The following POT1 variants were observed in gnomAD, a reference collection of about 807,000 sequenced individuals.
POT1 encodes the protein protection of telomeres 1.
A neutral mutation model predicts 78.5 loss-of-function variants in POT1; 47 were observed. That is an observed-to-expected ratio of 0.60 (90% confidence interval 0.47 to 0.76). The LOEUF is 0.76. POT1 is among the 30% of genes least tolerant of loss of function. POT1 has a pLI of 0.00. For synonymous variants in POT1, 259 were observed against 260.7 expected, an observed-to-expected ratio of 0.99 and a Z score of 0.06; for missense variants, 646 against 749.9, an observed-to-expected ratio of 0.86 and a Z score of 1.62.
chr7:124,922,481 T>C (rs1403334112), intron 2 of POT1, among the ~76,000 whole-genome samples: 3 of 152,038 alleles, frequency 2.0e-5, no homozygotes, highest in South Asian at 2.1e-4. Flanking sequence ...AGTGAGTAAA[T>C]GGAATTTCAC....
intron 3 of POT1, among the ~76,000 whole-genome samples, chr7:124,898,692 G>A (rs994070804): frequency 1.3e-5 from 2 of 151,962 alleles, no homozygotes; most frequent in Non-Finnish European, 2.9e-5. Flanking sequence ...TAATAAGGAT[G>A]GAATTTAAAT....
chr7:124,853,406 C>A, intron 9 of POT1: 1 of 244,966 alleles, frequency 4.1e-6, no homozygotes, highest in Non-Finnish European at 7.8e-6. Context: ...GAGATATTTC[C>A]ATTTCAGATC....
intron 15 of POT1, among the ~76,000 whole-genome samples, chr7:124,830,962 CA>C (rs1794745416): frequency 2.0e-5 from 3 of 152,056 alleles, no homozygotes; most frequent in Admixed American, 2.0e-4. Context: ...CATGAACCAA[CA>C]AAGAAATCAG....
intron 3 of POT1, among the ~76,000 whole-genome samples, chr7:124,899,234 T>C (rs1329939573): frequency 6.6e-6 from 1 of 152,244 alleles, no homozygotes; most frequent in Non-Finnish European, 1.5e-5. Context: ...AATTCTGCTC[T>C]GTATTTACAG....
Position 124,830,340 on chromosome 7 carries a change from A to G in POT1, c.1506-998T>C, listed in dbSNP as rs557656361. Among the ~76,000 whole-genome samples, 7 of 152,282 alleles carry G rather than the reference A, an allele frequency of 4.6e-5. No homozygotes were observed. In the East Asian group the frequency reaches 1.3e-3, roughly 29 times the overall value. ...AAATATACTTGAAAAGATATACTTG[A>G]ATAAAAATAAAAGTTCGAAAGGTCC... is the stretch of plus-strand genomic sequence containing the variant. On this transcript the variant is annotated intron_variant, in intron 15 of 18. Coordinates refer to ENST00000357628, the MANE Select transcript of POT1 (RefSeq NM_015450.3).
intron 11 of POT1, chr7:124,848,779 A>C (rs903989342): frequency 6.5e-6 from 1 of 154,492 alleles, no homozygotes; most frequent in Non-Finnish European, 1.5e-5. Context: ...TTCATTGTAC[A>C]ACTGTTTTAA....
intron 3 of POT1, among the ~76,000 whole-genome samples, chr7:124,905,043 C>T (rs1796726081): frequency 6.6e-6 from 1 of 152,146 alleles, no homozygotes; most frequent in Non-Finnish European, 1.5e-5. Context: ...AGAAAAGAAT[C>T]AGTATCATGA....
At chr7:124,858,898 G>T in intron 9 of POT1, 59 bp downstream of exon 9, 1 of 1,339,980 alleles carries the variant, frequency 7.5e-7, no homozygotes, top group African/African-American at 1.5e-5. Context: ...ATTTACATGA[G>T]CAAAAATCAC....
Position 124,928,865 on chromosome 7 carries a change from CTACT to C in POT1, c.-281_-278del. ...TAACCTGGCTGTAGGGATCCGAAAT[CTACT>C]TTATGTAATTTACTCAGCGGCTGAA... On this transcript the variant is annotated 5_prime_UTR_variant, in exon 2 of 19. An upstream open reading frame in the 5' UTR gains an earlier in-frame stop. Transcript: ENST00000357628. The C allele has an allele frequency of 6.6e-6, 1 of 152,590 alleles. No individual in the cohort carries two copies. Among genetic ancestry groups the C allele is most frequent in the East Asian group, 1.9e-4 (1 of 5,184 alleles). The allele number at this position is 152,590 out of a possible 1,614,324, so 9.5% of individuals were successfully genotyped here.
intron 3 of POT1, among the ~76,000 whole-genome samples, chr7:124,904,084 G>A (rs1024585089): frequency 5.3e-5 from 8 of 152,262 alleles, no homozygotes; most frequent in Non-Finnish European, 8.8e-5. Flanking sequence ...TTCTACCAGA[G>A]GTACAAAGAG....
rs1011242507 is a variant in POT1, at chr7:124,864,199, C to G, written c.256-559G>C. Among the ~76,000 whole-genome samples the G allele has an allele frequency of 3.9e-5, 6 of 152,216 alleles. No homozygotes were observed. The East Asian group carries it at 1.2e-3, about 29-fold the overall frequency. ...ATCTTCATGAAGTGACCCCTTTGTC[C>G]TTATGAAATGCTCCTTCCAAAACTC... On this transcript the variant is annotated intron_variant, in intron 7 of 18. Transcript: ENST00000357628.
intron 6 of POT1, 98 bp downstream of exon 6, chr7:124,892,168 T>G: frequency 7.1e-6 from 5 of 709,060 alleles, no homozygotes; most frequent in Non-Finnish European, 1.2e-5. Flanking sequence ...AGGTCAGAAC[T>G]GAGCTTCTAT....
chr7:124,928,012 G>C (rs78859984), intron 2 of POT1, among the ~76,000 whole-genome samples: 2,599 of 152,130 alleles, frequency 0.017, 73 homozygotes, highest in African/African-American at 0.059. Flanking sequence ...GAAACACAGT[G>C]TCTTTAATAA....
At chr7:124,882,245 G>GAT (rs1307397011) in intron 6 of POT1, among the ~76,000 whole-genome samples, 2 of 151,946 alleles carry the variant, frequency 1.3e-5, no homozygotes, top group Non-Finnish European at 2.9e-5. Context: ...AAACACTGCT[G>GAT]TTTTTAAACC....
At position 124,846,991 on chromosome 7, in the gene POT1, T is replaced by C; in HGVS notation, c.957A>G (p.Gly319=). 6.2e-7 allele frequency: 1 copy of C among 1,604,120 alleles called. No homozygotes were observed. The highest frequency in any genetic ancestry group is 8.5e-7 in the Non-Finnish European group (1 of 1,171,456). The change falls in exon 12 of 19, where the codon GGA becomes GGG. Residue 319 remains glycine, a synonymous_variant. Transcript: ENST00000357628. The stretch of plus-strand genomic sequence containing the variant: ...TTTCTACCTCGTATAATGATACTGA[T>C]CCAGAGCCTATAAAAAGGAAAAGGC... ...SEPDDSFPSS[G]SVSLYEVERC...
At chr7:124,902,311 G>A (rs1796641894) in intron 3 of POT1, among the ~76,000 whole-genome samples, 1 of 152,196 alleles carries the variant, frequency 6.6e-6, no homozygotes, top group Non-Finnish European at 1.5e-5. Flanking sequence ...AAGCCCATCA[G>A]ACTAATAGTG....
At chr7:124,847,028 G>A in intron 11 of POT1, 30 bp from the exon 12 acceptor site, 1 of 1,485,748 alleles carries the variant, frequency 6.7e-7, no homozygotes, top group Non-Finnish European at 9.4e-7. Context: ...AAAAAATTAA[G>A]TCCATTACAA....
At chr7:124,837,348 T>A (rs1442567186) in intron 14 of POT1, 1 of 152,802 alleles carries the variant, frequency 6.5e-6, no homozygotes, top group African/African-American at 2.4e-5. Context: ...CCATACAAAT[T>A]GGATTCAATT....
intron 15 of POT1, 76 bp from the exon 16 acceptor site, chr7:124,829,418 A>G: frequency 1.2e-6 from 1 of 860,356 alleles, no homozygotes; most frequent in Non-Finnish European, 1.8e-6. Context: ...TTACTGCTCA[A>G]ACATGTGTAG....
Sources: allele counts gnomAD v4.1 joint callset (sites outside exome capture counted in the v4.1 genomes callset), GRCh38; gene constraint gnomAD v4.1.1; transcripts MANE v1.5; gene names NCBI Gene and HGNC (gene_info 2026-07-23, HGNC 2026-07-21).